Variants in TENM2 observed in about 807,000 individuals in gnomAD.
TENM2 encodes the protein teneurin transmembrane protein 2, also known as teneurin-2.
A neutral mutation model predicts 245.2 loss-of-function variants in TENM2; 52 were observed. The ratio of observed to expected loss-of-function variants is 0.21; its 90% CI spans 0.17 to 0.27. The LOEUF (loss-of-function observed/expected upper bound fraction) is 0.27, where lower values mean the gene tolerates loss of function less well. Ranked by LOEUF, TENM2 falls within the 10% of genes least tolerant of loss-of-function variation. TENM2 has a pLI of 1.00. For missense variants in TENM2, 3,046 were observed against 3,666.8 expected (o/e 0.83, Z 4.37); for synonymous variants, 1,363 against 1,438.9 (o/e 0.95, Z 1.19).
At chr5:167,646,210 T>TATATATATATATGTTGTTTTC (rs1779950405) in intron 2 of TENM2, among the ~76,000 whole-genome samples, 1 of 133,574 alleles carries the variant, frequency 7.5e-6, no homozygotes, top group African/African-American at 3.3e-5. Context: ...CATATATATA[T>TATATATATATATGTTGTTTTC]ATATATATAT....
intron 3 of TENM2, chr5:167,937,714 T>C (rs1241656016): frequency 6.6e-6 from 1 of 152,198 alleles, no homozygotes; most frequent in African/African-American, 2.4e-5. Context: ...TGGTTTCTCC[T>C]TCGGGTCAGA....
the TENM2 span, among the ~76,000 whole-genome samples, chr5:167,072,161 A>G: frequency 6.6e-6 from 1 of 152,182 alleles, no homozygotes. Context: ...GACAGGCCAG[A>G]CAAGGCGGGG....
chr5:167,597,690 A>T (rs1055953566), intron 2 of TENM2, among the ~76,000 whole-genome samples: 1 of 152,206 alleles, frequency 6.6e-6, no homozygotes, highest in African/African-American at 2.4e-5. Context: ...ATTACATTAT[A>T]ATTAAGATTT....
At chr5:167,755,840 C>T (rs1429643166) in intron 2 of TENM2, among the ~76,000 whole-genome samples, 1 of 152,150 alleles carries the variant, frequency 6.6e-6, no homozygotes, top group East Asian at 1.9e-4. Flanking sequence ...CTGCAGGTGG[C>T]TGGGTTTGTT....
chr5:168,083,876 C>T (rs894155346), intron 7 of TENM2, among the ~76,000 whole-genome samples: 8 of 151,996 alleles, frequency 5.3e-5, no homozygotes, highest in Non-Finnish European at 1.2e-4. Context: ...AGTGGTTAAC[C>T]AACAGTAAAA....
chr5:167,179,990 G>A, the TENM2 span, among the ~76,000 whole-genome samples: 1 of 152,134 alleles, frequency 6.6e-6, no homozygotes, highest in Non-Finnish European at 1.5e-5. Context: ...CGAAGCTGGA[G>A]AAGGAGCCAA....
intron 1 of TENM2, among the ~76,000 whole-genome samples, chr5:167,360,263 A>G (rs1001319246): frequency 6.6e-6 from 1 of 152,236 alleles, no homozygotes; most frequent in Non-Finnish European, 1.5e-5. Context: ...ATACTTAGAC[A>G]TTATGTTAAC....
chr5:167,016,281 C>CAAAAA, the TENM2 span, among the ~76,000 whole-genome samples: 4 of 78,852 alleles, frequency 5.1e-5, no homozygotes, highest in African/African-American at 8.5e-5. Flanking sequence ...AACAAACAAA[C>CAAAAA]AAAAAAAAAA....
chr5:167,009,685 T>C, the TENM2 span, among the ~76,000 whole-genome samples: 3 of 152,120 alleles, frequency 2.0e-5, no homozygotes, highest in African/African-American at 7.2e-5. Flanking sequence ...CTCATGCACA[T>C]AAAAATTTTT....
At chr5:167,057,999 AC>A in the TENM2 span, among the ~76,000 whole-genome samples, 65 of 152,204 alleles carry the variant, frequency 4.3e-4, no homozygotes, top group African/African-American at 1.5e-3. Context: ...CACTGGTTCC[AC>A]AGAGGTTTCT....
chr5:167,660,409 G>C (rs1243678624), intron 2 of TENM2: 1 of 142,786 alleles, frequency 7.0e-6, no homozygotes, highest in Non-Finnish European at 1.5e-5. Context: ...AGCTTGCAGT[G>C]AGCCGAGATT....
At chr5:168,204,232 C>G (rs767861823) in intron 18 of TENM2, 140 bp from the exon 21 acceptor site, 1 of 911,764 alleles carries the variant, frequency 1.1e-6, no homozygotes, top group Non-Finnish European at 1.6e-6. Flanking sequence ...CTGCAGCTCT[C>G]TCCACATTGT....
chr5:168,106,520 A>C (rs1046179392), intron 9 of TENM2, among the ~76,000 whole-genome samples: 3 of 152,218 alleles, frequency 2.0e-5, no homozygotes, highest in Admixed American at 6.5e-5. Flanking sequence ...GAGTTTAAGT[A>C]ACTTGCTCAA....
intron 4 of TENM2, among the ~76,000 whole-genome samples, chr5:167,976,583 G>T (rs891514582): frequency 7.9e-5 from 12 of 152,126 alleles, no homozygotes; most frequent in African/African-American, 2.9e-4. Flanking sequence ...TATGACAGAA[G>T]TAGAAAGGCC....
intron 2 of TENM2, among the ~76,000 whole-genome samples, chr5:167,446,701 G>T (rs1406066392): frequency 3.8e-3 from 3 of 786 alleles, no homozygotes; most frequent in Non-Finnish European, 0.02. Context: ...AACTTTTTTG[G>T]GGGGGGGGAT....
chr5:167,975,557 A>G (rs529127392), intron 4 of TENM2, among the ~76,000 whole-genome samples: 1 of 152,000 alleles, frequency 6.6e-6, no homozygotes, highest in Non-Finnish European at 1.5e-5. Flanking sequence ...TCTGCACAAC[A>G]TTCCTGAGTG....
chr5:167,550,816 A>C (rs1246412146), intron 2 of TENM2, among the ~76,000 whole-genome samples: 1 of 147,118 alleles, frequency 6.8e-6, no homozygotes, highest in Admixed American at 6.9e-5. Context: ...TGCAACCTCC[A>C]CCTCCTGGGT....
At chr5:167,222,460 T>C in the TENM2 span, among the ~76,000 whole-genome samples, 1 of 152,238 alleles carries the variant, frequency 6.6e-6, no homozygotes, top group Non-Finnish European at 1.5e-5. Context: ...TATTATCATG[T>C]TATCAGACTG....
chr5:167,508,002 T>G (rs1769669838), intron 2 of TENM2, among the ~76,000 whole-genome samples: 1 of 152,024 alleles, frequency 6.6e-6, no homozygotes, highest in Non-Finnish European at 1.5e-5. Flanking sequence ...CAGAAAGAGC[T>G]CTGTGACTCA....
Sources: gnomAD v4.1 joint callset for allele counts (sites outside exome capture counted in the v4.1 genomes callset) on GRCh38, gnomAD v4.1.1 for gene constraint, MANE v1.5 for transcripts, NCBI Gene and HGNC (gene_info 2026-07-23, HGNC 2026-07-21) for gene names.